The following EXT2 variants were observed in gnomAD, a reference collection of about 807,000 sequenced individuals.
The protein encoded by EXT2 is exostosin-2.
In EXT2, 53 loss-of-function variants were observed where a neutral mutation model predicts 81.6. The ratio of observed to expected loss-of-function variants is 0.65; its 90% CI spans 0.52 to 0.82. The LOEUF (loss-of-function observed/expected upper bound fraction) is 0.82. EXT2 is among the 40% of genes least tolerant of loss of function. EXT2 has a pLI of 0.00. For missense variants in EXT2, 774 were observed against 910.2 expected, an observed-to-expected ratio of 0.85 and a Z score of 1.93; for synonymous variants, 320 against 340.0, an observed-to-expected ratio of 0.94 and a Z score of 0.65.
intron 8 of EXT2, 27 bp from the exon 9 acceptor site, chr11:44,197,802 G>T: frequency 6.2e-7 from 1 of 1,612,880 alleles, no homozygotes; most frequent in South Asian, 1.1e-5. Flanking sequence ...CTGCTTTTCT[G>T]ACCCGTGTTA....
At chr11:44,241,349 T>G (rs1956035145) in intron 13 of EXT2, among the ~76,000 whole-genome samples, 1 of 152,268 alleles carries the variant, frequency 6.6e-6, no homozygotes, top group Admixed American at 6.5e-5. Context: ...ACTTATTAGC[T>G]GTCTGACCTA....
intron 1 of EXT2, among the ~76,000 whole-genome samples, chr11:44,106,780 C>T (rs1410060753): frequency 6.6e-6 from 1 of 152,204 alleles, no homozygotes; most frequent in African/African-American, 2.4e-5. Flanking sequence ...CAGGTGCATG[C>T]CACCACACCT....
chr11:44,129,055 C>T (rs1329509937), intron 6 of EXT2, among the ~76,000 whole-genome samples: 2 of 152,148 alleles, frequency 1.3e-5, no homozygotes, highest in Admixed American at 1.3e-4. Flanking sequence ...TTGTTGAGTC[C>T]TCTCTTTCTC....
intron 10 of EXT2, among the ~76,000 whole-genome samples, chr11:44,209,454 C>T (rs1955622033): frequency 6.6e-6 from 1 of 152,116 alleles, no homozygotes; most frequent in Non-Finnish European, 1.5e-5. Context: ...TTTCATTATT[C>T]AGAAGGAACA....
intron 4 of EXT2, among the ~76,000 whole-genome samples, chr11:44,124,498 C>A (rs1030140399): frequency 6.6e-5 from 10 of 150,544 alleles, no homozygotes; most frequent in African/African-American, 2.5e-4. Context: ...ATAGCATGCG[C>A]TCTCAGCTTA....
intron 4 of EXT2, among the ~76,000 whole-genome samples, chr11:44,120,349 C>T (rs781033150): frequency 4.6e-5 from 7 of 152,158 alleles, no homozygotes; most frequent in Non-Finnish European, 8.8e-5. Context: ...GGTAAGGCTG[C>T]GCTGAGCATG....
chr11:44,106,113 A>G (rs1388254512), intron 1 of EXT2, among the ~76,000 whole-genome samples: 1 of 152,192 alleles, frequency 6.6e-6, no homozygotes, highest in Non-Finnish European at 1.5e-5. Flanking sequence ...AAAAATCCCA[A>G]AACATCACTT....
intron 10 of EXT2, among the ~76,000 whole-genome samples, chr11:44,226,764 A>G (rs1034797930): frequency 1.3e-5 from 2 of 152,226 alleles, no homozygotes; most frequent in Non-Finnish European, 2.9e-5. Context: ...GCTTTTGCAT[A>G]TTGGATTCCT....
intron 7 of EXT2, among the ~76,000 whole-genome samples, chr11:44,132,364 A>T (rs974581355): frequency 6.6e-6 from 1 of 152,214 alleles, no homozygotes; most frequent in Non-Finnish European, 1.5e-5. Flanking sequence ...GTTGAGAAGG[A>T]ATGAATGCTG....
chr11:44,224,562 T>C (rs1955819045), intron 10 of EXT2, among the ~76,000 whole-genome samples: 1 of 152,148 alleles, frequency 6.6e-6, no homozygotes, highest in Non-Finnish European at 1.5e-5. Context: ...GCTGCTTGAT[T>C]CTCCACCAAG....
At chr11:44,109,545 C>A (rs76685253) in intron 3 of EXT2, among the ~76,000 whole-genome samples, 2 of 152,186 alleles carry the variant, frequency 1.3e-5, no homozygotes, top group African/African-American at 4.8e-5. Context: ...ACATCCAGCC[C>A]CCAAAAGTGT....
chr11:44,122,680 G>T (rs1281345193), intron 4 of EXT2, among the ~76,000 whole-genome samples: 1 of 152,176 alleles, frequency 6.6e-6, no homozygotes, highest in Admixed American at 6.5e-5. Context: ...CCATCTCCCT[G>T]CTGGGTTGCT....
At chr11:44,164,094 C>T (rs1023414203) in intron 7 of EXT2, among the ~76,000 whole-genome samples, 1 of 152,114 alleles carries the variant, frequency 6.6e-6, no homozygotes, top group Admixed American at 6.5e-5. Context: ...GTTCTGTCTT[C>T]AAGCTCTCTC....
intron 7 of EXT2, among the ~76,000 whole-genome samples, chr11:44,165,082 T>G (rs1410665830): frequency 2.6e-5 from 4 of 151,752 alleles, no homozygotes; most frequent in Non-Finnish European, 5.9e-5. Context: ...GTTTCACCGT[T>G]TTAGCCGGGA....
chr11:44,195,446 A>T (rs1955444629), intron 8 of EXT2, among the ~76,000 whole-genome samples: 1 of 152,138 alleles, frequency 6.6e-6, no homozygotes. Flanking sequence ...AAAAAAAAGA[A>T]AAAGAAAAGA....
chr11:44,242,453 T>C (rs1296131530), intron 13 of EXT2, among the ~76,000 whole-genome samples: 1 of 152,054 alleles, frequency 6.6e-6, no homozygotes, highest in East Asian at 1.9e-4. Flanking sequence ...GGAGGGACAC[T>C]CAGTCACTGG....
At chr11:44,119,227 C>G (rs1250686822) in intron 4 of EXT2, among the ~76,000 whole-genome samples, 1 of 144,084 alleles carries the variant, frequency 6.9e-6, no homozygotes, top group African/African-American at 2.6e-5. Flanking sequence ...GGATGTGTGT[C>G]AGAGGGTCCT....
At chr11:44,170,092 A>G (rs978682150) in intron 7 of EXT2, among the ~76,000 whole-genome samples, 1 of 152,230 alleles carries the variant, frequency 6.6e-6, no homozygotes, top group Admixed American at 6.5e-5. Flanking sequence ...ATAAAAATAA[A>G]CAATGTGCTG....
In EXT2 at chr11:44,114,091, T is replaced by G; in HGVS notation, c.627-94T>G. The G allele has an allele frequency of 2.7e-6, 3 of 1,114,052 alleles. No individual in the cohort carries two copies. In the East Asian group the frequency reaches 7.0e-5, roughly 26 times the overall value. 69.0% of individuals were successfully genotyped at this position (1,114,052 alleles called of 1,614,324 possible). A position where few individuals can be genotyped will look rare whatever the true frequency, so the allele number is the denominator to read the frequency against. On this transcript the variant is annotated intron_variant, in intron 3 of 13. Coordinates refer to ENST00000533608, the MANE Select transcript of EXT2 (RefSeq NM_207122.2). Reference sequence around the variant, plus strand: ...CTCTGTAAACGTTAGCTGGTTTTGATAATAAAGACTCAGTAATTCCTGTTC... The same window carrying G: ...CTCTGTAAACGTTAGCTGGTTTTGAGAATAAAGACTCAGTAATTCCTGTTC...
Sources: allele counts gnomAD v4.1 joint callset (sites outside exome capture counted in the v4.1 genomes callset), GRCh38; gene constraint gnomAD v4.1.1; transcripts MANE v1.5; gene names NCBI Gene and HGNC (gene_info 2026-07-23, HGNC 2026-07-21).